Variants in MYH1 observed in about 807,000 individuals in gnomAD.
MYH1 encodes the protein myosin-1.
MYH1 carries 214 observed loss-of-function variants against 225.6 expected under a neutral mutation model. The observed-to-expected ratio is 0.95, with a 90% CI of 0.85 to 1.06. The LOEUF (loss-of-function observed/expected upper bound fraction) is 1.06. MYH1 is among the 50% of genes least tolerant of loss of function. The pLI is 0.00. For missense variants in MYH1, 2,098 were observed against 2,344.2 expected (o/e 0.89, Z 2.17); for synonymous variants, 774 against 842.3 (o/e 0.92, Z 1.40).
rs2073233595 is a variant in MYH1 at position 10,516,686 on chromosome 17, G to A, written c.-40-4C>T. ...GTAGCCCAGTTAAGGACCCTGGCTG[G>A]GAGAGGAAGAAAAGAAATTGTAGAA... On this transcript the variant is annotated splice_polypyrimidine_tract_variant and splice_region_variant and intron_variant, in intron 2 of 39. Coordinates refer to ENST00000226207, the MANE Select transcript of MYH1 (RefSeq NM_005963.4). The A allele has an allele frequency of 1.2e-6, 2 of 1,602,436 alleles. No homozygotes were observed. Among genetic ancestry groups the A allele is most frequent in the African/African-American group, 1.3e-5 (1 of 74,184 alleles).
In MYH1 at chr17:10,514,036, CCTT is replaced by C. The variant is rs745543159; in HGVS notation, c.619_621del (p.Lys207del). On this transcript the variant is annotated inframe_deletion, in exon 7 of 40. Transcript: ENST00000226207. ...TGCATTTTGCCAGAAGTAACTTCTT[CCTT>C]CTTCTTCTCCCCAGTAACTGCAATT... 23 of 1,613,954 alleles carry C rather than the reference CCTT, an allele frequency of 1.4e-5. 1 individual carries two copies. Among genetic ancestry groups the C allele is most frequent in the South Asian group, 7.7e-5 (7 of 91,088 alleles).
At chr17:10,497,687 A>G (rs1399660204) in intron 31 of MYH1, 47 bp downstream of exon 31, 1 of 1,604,020 alleles carries the variant, frequency 6.2e-7, no homozygotes, top group Non-Finnish European at 8.5e-7. Context: ...GTAGCAGGCT[A>G]TTGTTAATTC....
chr17:10,503,066 A>C lies in MYH1; in HGVS notation c.2874T>G (p.Ile958Met). The part of the protein sequence containing the change: ...EDECSELKKD[I>M]DDLELTLAKV... ...TGGCCAGTGTCAGCTCAAGGTCATC[A>C]ATGTCTTTCTTGAGTTCTGAACATT... The change falls in exon 23 of 40, where the codon ATT (isoleucine) becomes ATG (methionine). Residue 958 changes from isoleucine (I) to methionine (M), a missense_variant. Coordinates refer to ENST00000226207, the MANE Select transcript of MYH1 (RefSeq NM_005963.4). The C allele has an allele frequency of 6.2e-7, 1 of 1,613,220 alleles. No individual in the cohort carries two copies. The highest frequency in any genetic ancestry group is 8.5e-7 in the Non-Finnish European group (1 of 1,179,318).
Position 10,505,513 on chromosome 17 carries a change from T to C in MYH1, c.2175-2A>G, listed in dbSNP as rs150031915. 1.2e-6 allele frequency: 2 copies of C among 1,611,770 alleles called. No individual in the cohort carries two copies. Among genetic ancestry groups the C allele is most frequent in the African/African-American group, 2.7e-5 (2 of 74,824 alleles). ...GCACTTGCATTTAACACCTTGTATCTGTTTAAGCCAGACAAAAAAATGATA... is the reference window on the plus strand; with the variant it reads ...GCACTTGCATTTAACACCTTGTATCCGTTTAAGCCAGACAAAAAAATGATA... On this transcript the variant is annotated splice_acceptor_variant, in intron 19 of 39. Coordinates refer to ENST00000226207, the MANE Select transcript of MYH1 (RefSeq NM_005963.4). LOFTEE classifies it high-confidence loss of function.
rs1386502889 is a variant in MYH1, at chr17:10,497,390, C to G, written c.4428G>C (p.Lys1476Asn). ...GTTCTGTGCTGAGTGAGCGGGATTCCTTTTGAGAAGCTTCAAGTTCAGCAT... is the reference window on the plus strand; with the variant it reads ...GTTCTGTGCTGAGTGAGCGGGATTCGTTTTGAGAAGCTTCAAGTTCAGCAT... ...ETHAELEASQ[K>N]ESRSLSTELF... Residue 1476 changes from lysine (K) to asparagine (N), a missense_variant, in exon 32 of 40, where the codon AAG (lysine) becomes AAC (asparagine). By Grantham distance (94) the Lys-to-Asn change is moderately conservative. Coordinates refer to ENST00000226207, the MANE Select transcript of MYH1 (RefSeq NM_005963.4). 6.2e-7 allele frequency: 1 copy of G among 1,613,648 alleles called. No individual in the cohort carries two copies. Among genetic ancestry groups the G allele is most frequent in the Non-Finnish European group, 8.5e-7 (1 of 1,179,930 alleles).
intron 11 of MYH1, 41 bp downstream of exon 11, chr17:10,512,640 A>T: frequency 6.2e-7 from 1 of 1,611,290 alleles, no homozygotes; most frequent in Non-Finnish European, 8.5e-7. Flanking sequence ...TGCCATTCCC[A>T]TGCATAATGG....
chr17:10,512,339 C>T lies in MYH1; in HGVS notation c.1147+69G>A, dbSNP rs923825123. On this transcript the variant is annotated intron_variant, in intron 12 of 39. Coordinates refer to ENST00000226207, the MANE Select transcript of MYH1 (RefSeq NM_005963.4). ...ATCAGGAGCTCAGCTGTAAAGAAGA[C>T]TTGAATTTTGGAATGGACATTTTTG... The T allele has an allele frequency of 1.2e-5, 19 of 1,613,004 alleles. No individual in the cohort carries two copies. The Admixed American group carries it at 1.7e-4, about 14-fold the overall frequency.
At chr17:10,494,323 G>GA in intron 39 of MYH1, 31 bp downstream of exon 39, 1 of 1,594,460 alleles carries the variant, frequency 6.3e-7, no homozygotes. Flanking sequence ...TCATGTCTGA[G>GA]AAAAATCACC....
Position 10,514,860 on chromosome 17 carries a change from A to G in MYH1, c.533+8T>C. The G allele has an allele frequency of 6.2e-7, 1 of 1,610,360 alleles. No individual in the cohort carries two copies. Among genetic ancestry groups the G allele is most frequent in the Non-Finnish European group, 8.5e-7 (1 of 1,177,524 alleles). ...ACTGCCAATAAATCTCAGAATAGGA[A>G]TACATACGTGATCAAGATAGACTGA... On this transcript the variant is annotated splice_region_variant and intron_variant, in intron 6 of 39. Transcript: ENST00000226207.
chr17:10,508,278 C>G (rs1290336675), intron 16 of MYH1, 85 bp downstream of exon 16: 9 of 1,468,986 alleles, frequency 6.1e-6, no homozygotes, highest in South Asian at 2.8e-5. Context: ...CTTGGCCTCC[C>G]AAAATGCTGG....
chr17:10,501,788 GTTGT>G lies in MYH1; in HGVS notation c.3231_3234del (p.Lys1077AsnfsTer14), dbSNP rs2142263465. Reference sequence around the variant, plus strand: ...TACTTTTTAAGCTTTTCATCAAGTTGTTGTTTGTCATTTTCTATATCCATTGTGG... The same window carrying G: ...TACTTTTTAAGCTTTTCATCAAGTTGTTGTCATTTTCTATATCCATTGTGG... On this transcript the variant is annotated frameshift_variant, in exon 25 of 40. Coordinates refer to ENST00000226207, the MANE Select transcript of MYH1 (RefSeq NM_005963.4). LOFTEE classifies it high-confidence loss of function. 3 of 1,613,658 alleles carry G rather than the reference GTTGT, an allele frequency of 1.9e-6. No homozygotes were observed. Among genetic ancestry groups the G allele is most frequent in the Non-Finnish European group, 1.7e-6 (2 of 1,179,836 alleles).
chr17:10,505,036 A>T lies in MYH1; in HGVS notation c.2465T>A (p.Val822Asp). 6.2e-7 allele frequency: 1 copy of T among 1,614,208 alleles called. No homozygotes were observed. The highest frequency in any genetic ancestry group is 8.5e-7 in the Non-Finnish European group (1 of 1,180,044). Residue 822 changes from valine to aspartate, a missense_variant, in exon 22 of 40, where the codon GTC (valine) becomes GAC (aspartate). Val to Asp is a radical substitution (Grantham distance 152). Coordinates refer to ENST00000226207, the MANE Select transcript of MYH1 (RefSeq NM_005963.4). ...RESIFCIQYN[V>D]RAFMNVKHWP... ...GTGCTTCACATTCATGAAGGCACGG[A>T]CATTGTACTGGATGCAGAAGATGGA...
rs1349456975 is a variant in MYH1 at position 10,514,086 on chromosome 17, C to G, written c.572G>C (p.Arg191Pro). The G allele has an allele frequency of 2.5e-6, 4 of 1,614,020 alleles. No homozygotes were observed. Among genetic ancestry groups the G allele is most frequent in the Non-Finnish European group, 3.4e-6 (4 of 1,180,006 alleles). The change falls in exon 7 of 40, where the codon CGT becomes CCT. Residue 191 changes from arginine to proline, a missense_variant. Transcript: ENST00000226207. ...SGAGKTVNTK[R>P]VIQYFATIAV... ...AATTGTTGCAAAGTACTGGATGACACGCTTGGTGTTCACAGTCTTCCCTGC... is the reference window on the plus strand; with the variant it reads ...AATTGTTGCAAAGTACTGGATGACAGGCTTGGTGTTCACAGTCTTCCCTGC...
At chr17:10,502,195 C>T (rs187242715) in intron 24 of MYH1, among the ~76,000 whole-genome samples, 2 of 152,340 alleles carry the variant, frequency 1.3e-5, no homozygotes, top group African/African-American at 4.8e-5. Flanking sequence ...GGGATGGACA[C>T]CATGCTAATA....
At chr17:10,507,789 C>T in intron 17 of MYH1, 97 bp downstream of exon 17, 1 of 982,152 alleles carries the variant, frequency 1.0e-6, no homozygotes, top group Non-Finnish European at 1.6e-6. Flanking sequence ...TGAGTCACAT[C>T]AGTTCTAGAA....
chr17:10,512,637 C>T (rs753773760), intron 11 of MYH1, 44 bp downstream of exon 11: 79 of 1,609,952 alleles, frequency 4.9e-5, no homozygotes, highest in Non-Finnish European at 6.5e-5. Flanking sequence ...TATTGCCATT[C>T]CCATGCATAA....
At chr17:10,495,144 G>A in intron 36 of MYH1, 43 bp from the exon 37 acceptor site, 2 of 1,614,210 alleles carry the variant, frequency 1.2e-6, no homozygotes, top group Non-Finnish European at 1.7e-6. Context: ...AGCTAAGACA[G>A]CACATTAAGA....
intron 39 of MYH1, 113 bp downstream of exon 39, chr17:10,494,241 C>G: frequency 9.7e-7 from 1 of 1,027,680 alleles, no homozygotes; most frequent in South Asian, 1.6e-5. Flanking sequence ...CTCCATGTAG[C>G]CATTTGTTTT....
rs1422942762 is a variant in MYH1 at position 10,516,341 on chromosome 17, G to A, written c.206C>T (p.Thr69Ile). Residue 69 changes from threonine to isoleucine, a missense_variant and splice_region_variant, in exon 4 of 40, where the codon ACT (threonine) becomes ATT (isoleucine). Thr to Ile is a moderately conservative substitution (Grantham distance 89, BLOSUM62 -1). Transcript: ENST00000226207. The stretch of plus-strand genomic sequence containing the variant: ...GACTTGGTCATCTTTCACTGTTACA[G>A]TCTGTCCAGTCAAACAAGAGAGGCC... The part of the protein sequence containing the change: ...KVTAKTEAGA[T>I]VTVKDDQVFP... 1 of 1,614,048 alleles carries A rather than the reference G, an allele frequency of 6.2e-7. No homozygotes were observed. Among genetic ancestry groups the A allele is most frequent in the Non-Finnish European group, 8.5e-7 (1 of 1,180,052 alleles).
Sources: allele counts gnomAD v4.1 joint callset (sites outside exome capture counted in the v4.1 genomes callset), GRCh38; gene constraint gnomAD v4.1.1; transcripts MANE v1.5; gene names NCBI Gene and HGNC (gene_info 2026-07-23, HGNC 2026-07-21).